The following PDZD2 variants were observed in gnomAD, a reference collection of about 807,000 sequenced individuals.
The protein encoded by PDZD2 is PDZ domain-containing protein 2.
A neutral mutation model predicts 220.7 loss-of-function variants in PDZD2; 90 were observed. The observed-to-expected ratio is 0.41, with a 90% confidence interval of 0.34 to 0.49. The LOEUF is 0.49. PDZD2 is among the 20% of genes least tolerant of loss of function. The pLI, the probability that PDZD2 is intolerant of heterozygous loss-of-function variation, is 0.28. For synonymous variants in PDZD2, 1,375 were observed against 1,450.5 expected (o/e 0.95, Z 1.18); for missense variants, 3,174 against 3,608.5 (o/e 0.88, Z 3.08).
At chr5:31,689,005 C>T (rs1746984181) in intron 1 of PDZD2, among the ~76,000 whole-genome samples, 1 of 152,168 alleles carries the variant, frequency 6.6e-6, no homozygotes, top group Non-Finnish European at 1.5e-5. Context: ...TCAGGATGGA[C>T]TTGTCCAGAC....
chr5:32,084,135 A>T (rs771257138), intron 19 of PDZD2, among the ~76,000 whole-genome samples: 4 of 152,258 alleles, frequency 2.6e-5, no homozygotes, highest in Non-Finnish European at 5.9e-5. Context: ...GAAGGAGAAG[A>T]GCACGTGGCT....
intron 5 of PDZD2, among the ~76,000 whole-genome samples, chr5:32,006,262 A>G (rs1554023254): frequency 1.3e-5 from 2 of 151,910 alleles, no homozygotes; most frequent in South Asian, 2.1e-4. Flanking sequence ...TTATTATTAC[A>G]TACATTATTA....
At chr5:31,660,683 A>G (rs929954969) in intron 1 of PDZD2, among the ~76,000 whole-genome samples, 1 of 152,156 alleles carries the variant, frequency 6.6e-6, no homozygotes, top group Non-Finnish European at 1.5e-5. Context: ...CCCTCCCATG[A>G]CACATGGGGA....
chr5:31,954,754 C>G (rs1747504937), intron 2 of PDZD2, among the ~76,000 whole-genome samples: 1 of 152,108 alleles, frequency 6.6e-6, no homozygotes, highest in South Asian at 2.1e-4. Flanking sequence ...TGGTGAAACC[C>G]CGTCTCTACT....
intron 1 of PDZD2, among the ~76,000 whole-genome samples, chr5:31,794,553 A>G (rs886545804): frequency 6.6e-6 from 1 of 150,508 alleles, no homozygotes; most frequent in Non-Finnish European, 1.5e-5. Flanking sequence ...GGCGCCCACC[A>G]CCACTCCCGG....
At position 31,799,297 on chromosome 5, in the gene PDZD2, C is replaced by G. The variant is rs144137933; in HGVS notation, c.49C>G (p.Gln17Glu). The G allele has an allele frequency of 3.1e-6, 5 of 1,613,412 alleles. No individual in the cohort carries two copies. Among genetic ancestry groups the G allele is most frequent in the Admixed American group, 1.7e-5 (1 of 59,998 alleles). ...CGTGCTGCACCTGCCCCTCCTCTAC[C>G]AGTGGCTGCAGAACAGCCTGCAGGA... is the stretch of plus-strand genomic sequence containing the variant. ...NAVLHLPLLY[Q>E]WLQNSLQEGG... Residue 17 changes from glutamine to glutamate, a missense_variant, in exon 2 of 25, where the codon CAG (glutamine) becomes GAG (glutamate). Coordinates refer to ENST00000438447, the MANE Select transcript of PDZD2 (RefSeq NM_178140.4).
At chr5:31,875,437 T>A (rs965377062) in intron 2 of PDZD2, among the ~76,000 whole-genome samples, 2 of 151,562 alleles carry the variant, frequency 1.3e-5, no homozygotes, top group African/African-American at 4.8e-5. Context: ...TACAAAAAAA[T>A]TAGCTGGGCG....
At chr5:31,685,334 TTTCTC>T (rs1253222315) in intron 1 of PDZD2, among the ~76,000 whole-genome samples, 1 of 152,208 alleles carries the variant, frequency 6.6e-6, no homozygotes, top group Non-Finnish European at 1.5e-5. Context: ...AAGCTAGACT[TTTCTC>T]TTAACATTTT....
intron 22 of PDZD2, 130 bp downstream of exon 22, chr5:32,097,510 A>G (rs1418596157): frequency 3.7e-5 from 25 of 683,256 alleles, no homozygotes; most frequent in South Asian, 1.0e-4. Flanking sequence ...CAACATAAAA[A>G]GGGAGAAGTG....
intron 1 of PDZD2, among the ~76,000 whole-genome samples, chr5:31,737,362 T>TG (rs201350263): frequency 0.13 from 19,543 of 151,580 alleles, 1,574 homozygotes; most frequent in Non-Finnish European, 0.17. Flanking sequence ...TTAGTAGAGA[T>TG]GGGGTTTCAC....
chr5:32,089,087 A>C lies in PDZD2; in HGVS notation c.5639A>C (p.Lys1880Thr). 1 of 1,614,078 alleles carries C rather than the reference A, an allele frequency of 6.2e-7. No homozygotes were observed. Among genetic ancestry groups the C allele is most frequent in the Non-Finnish European group, 8.5e-7 (1 of 1,180,022 alleles). Reference sequence around the variant, plus strand: ...CTTCTGACTAATGGTCAGAAGGCAAAGTGTGGTCCGAAGCTGAAGAGGCTC... The same window carrying C: ...CTTCTGACTAATGGTCAGAAGGCAACGTGTGGTCCGAAGCTGAAGAGGCTC... ...EMLLTNGQKA[K>T]CGPKLKRLSL... The change falls in exon 20 of 25, where the codon AAG becomes ACG. Residue 1880 changes from lysine (K) to threonine (T), a missense_variant. By Grantham distance (78) the Lys-to-Thr change is moderately conservative. Around this residue, in one of 4 missense-constraint regions of PDZD2, gnomAD observed 1,861 missense variants for 2,001.0 expected, o/e 0.93. Transcript: ENST00000438447.
intron 3 of PDZD2, among the ~76,000 whole-genome samples, chr5:31,992,109 C>G (rs925207917): frequency 7.2e-5 from 11 of 152,218 alleles, no homozygotes; most frequent in Admixed American, 5.9e-4. Flanking sequence ...CTTTGTAGTC[C>G]TCTGAACTCC....
intron 2 of PDZD2, among the ~76,000 whole-genome samples, chr5:31,819,743 T>C (rs575249077): frequency 1.3e-5 from 2 of 152,264 alleles, no homozygotes; most frequent in African/African-American, 4.8e-5. Context: ...GATACATTCG[T>C]AGAAGTGGGA....
intron 2 of PDZD2, among the ~76,000 whole-genome samples, chr5:31,900,393 G>A (rs180732037): frequency 3.4e-4 from 52 of 152,338 alleles, no homozygotes; most frequent in Admixed American, 2.9e-3. Context: ...AGAGCTCACT[G>A]TTGATGGCTG....
chr5:31,761,636 G>A (rs1396212129), intron 1 of PDZD2, among the ~76,000 whole-genome samples: 4 of 151,986 alleles, frequency 2.6e-5, no homozygotes, highest in East Asian at 1.9e-4. Context: ...CAAGGTGGGC[G>A]GATCACCTGA....
chr5:31,699,166 A>G (rs901169054), intron 1 of PDZD2, among the ~76,000 whole-genome samples: 1 of 152,110 alleles, frequency 6.6e-6, no homozygotes, highest in African/African-American at 2.4e-5. Flanking sequence ...GGGAAGAAAG[A>G]CACGTACCCA....
At chr5:32,072,380 C>A in intron 17 of PDZD2, 63 bp downstream of exon 17, 1 of 1,304,018 alleles carries the variant, frequency 7.7e-7, no homozygotes, top group East Asian at 2.3e-5. Context: ...CTGGTTTCCA[C>A]CTCTGTGCTG....
intron 2 of PDZD2, among the ~76,000 whole-genome samples, chr5:31,837,162 CAATGAG>C (rs1756994967): frequency 3.9e-5 from 6 of 152,266 alleles, no homozygotes; most frequent in Admixed American, 2.6e-4. Context: ...ATTGAATTCT[CAATGAG>C]AATATCAGCC....
At chr5:31,964,884 T>G (rs982564241) in intron 2 of PDZD2, among the ~76,000 whole-genome samples, 1 of 151,986 alleles carries the variant, frequency 6.6e-6, no homozygotes, top group Non-Finnish European at 1.5e-5. Context: ...CCCGGCTAAT[T>G]TTTTTGTATT....
Sources: gnomAD v4.1 joint callset for allele counts (sites outside exome capture counted in the v4.1 genomes callset) on GRCh38, gnomAD v4.1.1 for gene constraint, gnomAD v4.1.1 regional missense constraint, MANE v1.5 for transcripts, NCBI Gene and HGNC (gene_info 2026-07-23, HGNC 2026-07-21) for gene names.